Variants in RHEX observed in about 807,000 individuals in gnomAD.
RHEX encodes the protein regulator of hemoglobinization and erythroid cell expansion protein.
In RHEX, 18 loss-of-function variants were observed where a neutral mutation model predicts 20.1. The observed-to-expected ratio is 0.90, with a 90% CI of 0.62 to 1.33. The LOEUF (loss-of-function observed/expected upper bound fraction) is 1.33. Ranked by LOEUF, RHEX falls within the 40% of genes most tolerant of loss-of-function variation. The pLI is 0.00. For missense variants in RHEX, 192 were observed against 214.3 expected (o/e 0.90, Z 0.65); for synonymous variants, 87 against 77.1 (o/e 1.13, Z -0.67).
At chr1:206,086,089 C>G (rs1228625092) in intron 1 of RHEX, among the ~76,000 whole-genome samples, 1 of 152,160 alleles carries the variant, frequency 6.6e-6, no homozygotes, top group Non-Finnish European at 1.5e-5. Flanking sequence ...GCGTTTTGAC[C>G]TTCTCTATTC....
At chr1:206,089,514 GT>G (rs1385382615) in intron 1 of RHEX, among the ~76,000 whole-genome samples, 6 of 151,960 alleles carry the variant, frequency 3.9e-5, no homozygotes, top group Non-Finnish European at 8.8e-5. Flanking sequence ...TTCAGTTTTT[GT>G]TTTTTTCTTT....
intron 1 of RHEX, among the ~76,000 whole-genome samples, chr1:206,089,330 A>C (rs955671680): frequency 6.6e-6 from 1 of 152,160 alleles, no homozygotes; most frequent in Admixed American, 6.5e-5. Flanking sequence ...GGTATGAGCC[A>C]CCACGCCCAG....
In RHEX at chr1:206,054,674, C is replaced by T. The variant is rs535156319; in HGVS notation, c.-97+1409C>T. On this transcript the variant is annotated intron_variant, in intron 1 of 5. Coordinates refer to ENST00000331555, the MANE Select transcript of RHEX (RefSeq NM_001007544.4). ...AAAATTATAAAAGGTTAAAAAGAGTCTATAAAATCTTACCTTATGGTCAAA... is the reference window on the plus strand; with the variant it reads ...AAAATTATAAAAGGTTAAAAAGAGTTTATAAAATCTTACCTTATGGTCAAA... 5.9e-5 allele frequency among the ~76,000 whole-genome samples: 9 copies of T among 152,322 alleles called. No individual in the cohort carries two copies. The South Asian group carries it at 1.9e-3, about 32-fold the overall frequency.
At chr1:206,066,715 T>C (rs1217313433) in intron 1 of RHEX, among the ~76,000 whole-genome samples, 1 of 152,226 alleles carries the variant, frequency 6.6e-6, no homozygotes, top group African/African-American at 2.4e-5. Context: ...CTGAGATTTA[T>C]GCTTAGTGAG....
chr1:206,087,545 A>T (rs1342588098), intron 1 of RHEX, among the ~76,000 whole-genome samples: 1 of 152,182 alleles, frequency 6.6e-6, no homozygotes, highest in African/African-American at 2.4e-5. Flanking sequence ...GTGCAAATGA[A>T]CTCTTGAAAG....
Position 206,098,181 on chromosome 1 carries a change from G to C in RHEX, c.112G>C (p.Ala38Pro). 1 of 1,606,218 alleles carries C rather than the reference G, an allele frequency of 6.2e-7. No individual in the cohort carries two copies. Among genetic ancestry groups the C allele is most frequent in the East Asian group, 2.2e-5 (1 of 44,850 alleles). ...CAACTACCTGCTCAGCAGGCACATG[G>C]GTAACTGGCTCAGCATCCTCTTCCC... ...AINYLLSRHM[A>P]HKSEQILKAA... The change falls in exon 3 of 6, where the codon GCC becomes CCC. Residue 38 changes from alanine (A) to proline (P), a missense_variant and splice_region_variant. Transcript: ENST00000331555.
At chr1:206,091,403 T>G (rs1354083876) in intron 1 of RHEX, among the ~76,000 whole-genome samples, 2 of 152,210 alleles carry the variant, frequency 1.3e-5, no homozygotes, top group Non-Finnish European at 2.9e-5. Context: ...TGTCAGATAC[T>G]GATTATTGGT....
chr1:206,055,843 A>G (rs1451221539), intron 1 of RHEX, among the ~76,000 whole-genome samples: 1 of 152,292 alleles, frequency 6.6e-6, no homozygotes, highest in Non-Finnish European at 1.5e-5. Flanking sequence ...GCCCTGGCCA[A>G]GGCCAGTGGC....
intron 3 of RHEX, among the ~76,000 whole-genome samples, chr1:206,098,970 G>T (rs1300142975): frequency 6.6e-6 from 1 of 152,184 alleles, no homozygotes; most frequent in Non-Finnish European, 1.5e-5. Flanking sequence ...TTGGTGGATG[G>T]CTGGCATCCC....
chr1:206,085,423 C>T (rs1033361858), intron 1 of RHEX, among the ~76,000 whole-genome samples: 1 of 152,148 alleles, frequency 6.6e-6, no homozygotes, highest in African/African-American at 2.4e-5. Context: ...ATAATTTGAC[C>T]CCTTCTAATT....
Position 206,102,286 on chromosome 1 carries a change from T to A in RHEX, c.*334T>A. ...GAACTATGGAGTCCATCAGCAGAGA[T>A]AGTAGTGAAGTCTCTCCCCAGGGAA... On this transcript the variant is annotated 3_prime_UTR_variant, in exon 6 of 6. Transcript: ENST00000331555. 1 of 287,868 alleles carries A rather than the reference T, an allele frequency of 3.5e-6. No individual in the cohort carries two copies. Among genetic ancestry groups the A allele is most frequent in the Non-Finnish European group, 6.6e-6 (1 of 152,442 alleles). The allele number at this position is 287,868 out of a possible 1,614,324, so 17.8% of individuals were successfully genotyped here. A position where few individuals can be genotyped will look rare whatever the true frequency, so the allele number is the denominator to read the frequency against.
At chr1:206,072,806 C>T (rs1288148052) in intron 1 of RHEX, among the ~76,000 whole-genome samples, 2 of 150,776 alleles carry the variant, frequency 1.3e-5, no homozygotes, top group African/African-American at 2.4e-5. Context: ...CATCTGTATA[C>T]ACCCACCACA....
intron 3 of RHEX, 67 bp from the exon 4 acceptor site, chr1:206,099,588 G>A: frequency 1.3e-6 from 2 of 1,506,128 alleles, no homozygotes; most frequent in Non-Finnish European, 9.0e-7. Context: ...CAAATTGCTG[G>A]GATTACAGGC....
intron 1 of RHEX, among the ~76,000 whole-genome samples, chr1:206,071,876 GAA>G (rs1188054605): frequency 2.1e-5 from 3 of 145,944 alleles, no homozygotes; most frequent in Non-Finnish European, 4.5e-5. Context: ...AAAAAAAAAA[GAA>G]AAAGAAAGTG....
intron 3 of RHEX, 147 bp downstream of exon 3, chr1:206,098,328 C>T (rs997057568): frequency 3.2e-6 from 2 of 623,196 alleles, no homozygotes; most frequent in Middle Eastern, 3.6e-4. Context: ...CCACCGCTCC[C>T]CCTCCCCCCA....
chr1:206,072,876 G>C (rs1317906272), intron 1 of RHEX, among the ~76,000 whole-genome samples: 2 of 141,068 alleles, frequency 1.4e-5, no homozygotes, highest in African/African-American at 5.5e-5. Context: ...CTGTCACCTA[G>C]GCTGGAGTGC....
chr1:206,054,472 A>G (rs1326428742), intron 1 of RHEX, among the ~76,000 whole-genome samples: 1 of 152,276 alleles, frequency 6.6e-6, no homozygotes, highest in Non-Finnish European at 1.5e-5. Context: ...TAAAAGGTTA[A>G]AAACAATTAT....
At chr1:206,089,888 A>C (rs1662912457) in intron 1 of RHEX, among the ~76,000 whole-genome samples, 1 of 152,130 alleles carries the variant, frequency 6.6e-6, no homozygotes, top group Admixed American at 6.5e-5. Context: ...AATATTATTA[A>C]ATATAGTAAT....
chr1:206,065,385 A>G (rs1478220469), intron 1 of RHEX, among the ~76,000 whole-genome samples: 2 of 152,198 alleles, frequency 1.3e-5, no homozygotes, highest in South Asian at 2.1e-4. Context: ...AACCCTCATA[A>G]CAAAAGGACT....
Sources: allele counts gnomAD v4.1 joint callset (sites outside exome capture counted in the v4.1 genomes callset), GRCh38; gene constraint gnomAD v4.1.1; transcripts MANE v1.5; gene names NCBI Gene and HGNC (gene_info 2026-07-23, HGNC 2026-07-21).